The following MTMR7 variants were observed in gnomAD, a reference collection of about 807,000 sequenced individuals.
The protein encoded by MTMR7 is myotubularin related protein 7, also known as phosphatidylinositol-3-phosphate phosphatase MTMR7.
MTMR7 carries 76 observed loss-of-function variants against 81.2 expected under a neutral mutation model. The observed-to-expected ratio is 0.94, with a 90% CI of 0.78 to 1.13. The LOEUF is 1.13. Ranked by LOEUF, MTMR7 falls within the 50% of genes most tolerant of loss-of-function variation. The pLI, the probability that MTMR7 is intolerant of heterozygous loss-of-function variation, is 0.00. For synonymous variants in MTMR7, 372 were observed against 289.8 expected (o/e 1.28, Z -2.88); for missense variants, 1,044 against 820.0 (o/e 1.27, Z -3.34).
chr8:17,363,940 T>C (rs2150559352), intron 3 of MTMR7, among the ~76,000 whole-genome samples: 1 of 151,128 alleles, frequency 6.6e-6, no homozygotes, highest in South Asian at 2.1e-4. Flanking sequence ...CAATCCTTTT[T>C]TTTTTTTGCT....
At chr8:17,331,424 CCTTGTA>C in intron 6 of MTMR7, 142 bp from the exon 7 acceptor site, 1 of 836,318 alleles carries the variant, frequency 1.2e-6, no homozygotes, top group Non-Finnish European at 1.8e-6. Context: ...ATCACTGCAA[CCTTGTA>C]CTGAACTACA....
intron 4 of MTMR7, among the ~76,000 whole-genome samples, chr8:17,356,312 G>A (rs1286729984): frequency 6.6e-6 from 1 of 152,072 alleles, no homozygotes; most frequent in Non-Finnish European, 1.5e-5. Context: ...CCCATTCCAA[G>A]AATTAGGTTC....
At chr8:17,328,030 G>A (rs1391772785) in intron 7 of MTMR7, among the ~76,000 whole-genome samples, 1 of 152,214 alleles carries the variant, frequency 6.6e-6, no homozygotes, top group Non-Finnish European at 1.5e-5. Flanking sequence ...ATACATTGAT[G>A]AATAAGTGGT....
At chr8:17,366,556 G>C (rs1279933567) in intron 3 of MTMR7, among the ~76,000 whole-genome samples, 1 of 152,036 alleles carries the variant, frequency 6.6e-6, no homozygotes, top group Non-Finnish European at 1.5e-5. Context: ...AAGCTAAATT[G>C]CATCAAACAT....
chr8:17,311,204 T>TA (rs1368602506), intron 9 of MTMR7, among the ~76,000 whole-genome samples: 1 of 152,244 alleles, frequency 6.6e-6, no homozygotes, highest in East Asian at 1.9e-4. Context: ...TTGAAATACT[T>TA]ATGAGCAAAT....
chr8:17,365,167 T>C (rs557113404), intron 3 of MTMR7, among the ~76,000 whole-genome samples: 7 of 152,240 alleles, frequency 4.6e-5, no homozygotes, highest in East Asian at 1.9e-4. Context: ...CTAATGATTA[T>C]TGAGGTTGAG....
At chr8:17,412,385 A>G (rs1051620350) in intron 1 of MTMR7, among the ~76,000 whole-genome samples, 3 of 152,164 alleles carry the variant, frequency 2.0e-5, no homozygotes, top group Non-Finnish European at 2.9e-5. Flanking sequence ...GCAAAAACGC[A>G]AGGAGCTGTG....
At chr8:17,388,177 T>G (rs1304390271) in intron 1 of MTMR7, among the ~76,000 whole-genome samples, 1 of 152,214 alleles carries the variant, frequency 6.6e-6, no homozygotes, top group Non-Finnish European at 1.5e-5. Context: ...TAATTTATTT[T>G]GGTAGGATGA....
intron 7 of MTMR7, among the ~76,000 whole-genome samples, chr8:17,317,932 A>G (rs1260269641): frequency 2.6e-5 from 4 of 151,098 alleles, no homozygotes; most frequent in Admixed American, 6.6e-5. Context: ...CTTCATTCTC[A>G]TTTCAGTGGG....
At chr8:17,311,206 T>C (rs1439805783) in intron 9 of MTMR7, among the ~76,000 whole-genome samples, 3 of 152,364 alleles carry the variant, frequency 2.0e-5, no homozygotes, top group African/African-American at 7.2e-5. Flanking sequence ...GAAATACTTA[T>C]GAGCAAATGA....
intron 9 of MTMR7, 146 bp from the exon 10 acceptor site, chr8:17,309,472 C>T (rs1817669007): frequency 3.0e-6 from 2 of 662,384 alleles, no homozygotes; most frequent in African/African-American, 1.8e-5. Flanking sequence ...GCATTATCCA[C>T]CCATATAGAG....
chr8:17,301,636 C>G (rs898245570), intron 13 of MTMR7: 1 of 153,702 alleles, frequency 6.5e-6, no homozygotes, highest in African/African-American at 2.4e-5. Flanking sequence ...TACATTAGTA[C>G]CATTGGAAAC....
At chr8:17,401,078 C>T (rs934955609) in intron 1 of MTMR7, among the ~76,000 whole-genome samples, 3 of 151,738 alleles carry the variant, frequency 2.0e-5, no homozygotes, top group Non-Finnish European at 2.9e-5. Context: ...CTTTGCAATT[C>T]GGGGGATACG....
At chr8:17,375,442 A>T (rs925872973) in intron 1 of MTMR7, among the ~76,000 whole-genome samples, 1 of 151,374 alleles carries the variant, frequency 6.6e-6, no homozygotes, top group Non-Finnish European at 1.5e-5. Flanking sequence ...TGTTAAAGGC[A>T]TACATTCGAC....
chr8:17,375,955 A>G (rs759625140), intron 1 of MTMR7, among the ~76,000 whole-genome samples: 29 of 152,198 alleles, frequency 1.9e-4, no homozygotes, highest in Non-Finnish European at 3.1e-4. Context: ...GTACTATTCA[A>G]TGGTTTTTAG....
At chr8:17,352,573 A>G (rs1002882199) in intron 4 of MTMR7, among the ~76,000 whole-genome samples, 3 of 152,210 alleles carry the variant, frequency 2.0e-5, no homozygotes, top group African/African-American at 7.2e-5. Flanking sequence ...GCAAAAGCAG[A>G]GACAACAAAA....
At chr8:17,312,578 A>C (rs1258401223) in intron 8 of MTMR7, among the ~76,000 whole-genome samples, 1 of 17,920 alleles carries the variant, frequency 5.6e-5, no homozygotes, top group Non-Finnish European at 9.5e-5. Context: ...CCCTCTCAAA[A>C]AAAAAAAAAA....
In MTMR7 at chr8:17,304,746, C is replaced by CGTGT. The variant is rs10527892; in HGVS notation, c.1353-231_1353-228dup. On this transcript the variant is annotated intron_variant, in intron 11 of 13. Coordinates refer to ENST00000180173, the MANE Select transcript of MTMR7 (RefSeq NM_004686.5). ...ACTGGCCTTGACAAGGTGTTCGATT[C>CGTGT]GTGTGTGTGTGTGTGTGTGTGTTAA... Among the ~76,000 whole-genome samples, 405 of 147,084 alleles carry CGTGT rather than the reference C, an allele frequency of 2.8e-3. 8 individuals carry two copies. Among genetic ancestry groups the CGTGT allele is most frequent in the African/African-American group, 9.5e-3 (365 of 38,486 alleles).
chr8:17,411,463 C>A (rs530501526), intron 1 of MTMR7, among the ~76,000 whole-genome samples: 18 of 152,190 alleles, frequency 1.2e-4, no homozygotes, highest in Non-Finnish European at 1.9e-4. Context: ...GCTTCCAGCA[C>A]TTAACACAGA....
Sources: gnomAD v4.1 joint callset for allele counts (sites outside exome capture counted in the v4.1 genomes callset) on GRCh38, gnomAD v4.1.1 for gene constraint, MANE v1.5 for transcripts, NCBI Gene and HGNC (gene_info 2026-07-23, HGNC 2026-07-21) for gene names.